The following IFT140 variants were observed in gnomAD, a reference collection of about 807,000 sequenced individuals.
IFT140 encodes the protein intraflagellar transport protein 140 homolog.
IFT140 carries 133 observed loss-of-function variants against 164.6 expected under a neutral mutation model. That is an observed-to-expected ratio of 0.81 (90% CI 0.70 to 0.93). IFT140 has a LOEUF of 0.93. IFT140 is among the 40% of genes least tolerant of loss of function. The probability of loss-of-function intolerance (pLI) is 0.00; values close to 1 mark genes in which losing one functional copy is unlikely to be tolerated. For synonymous variants in IFT140, 860 were observed against 817.3 expected (o/e 1.05, Z -0.89); for missense variants, 2,045 against 1,972.3 (o/e 1.04, Z -0.70).
intron 19 of IFT140, among the ~76,000 whole-genome samples, chr16:1,547,187 G>A (rs1596341361): frequency 6.6e-6 from 1 of 152,278 alleles, no homozygotes; most frequent in African/African-American, 2.4e-5. Flanking sequence ...TTTGGAAAAT[G>A]GTGGCATATA....
At position 1,551,968 on chromosome 16, in the gene IFT140, C is replaced by G. The variant is rs1390514354; in HGVS notation, c.2399+5967G>C. Among the ~76,000 whole-genome samples, 1 of 152,122 alleles carries G rather than the reference C, an allele frequency of 6.6e-6. No individual in the cohort carries two copies. The highest frequency in any genetic ancestry group is 1.5e-5 in the Non-Finnish European group (1 of 68,022). ...CTGGTGACGTGTGGCCCGCGCTGTC[C>G]CCCTGCAATGACGGTACCTCCAGGT... On this transcript the variant is annotated intron_variant, in intron 19 of 30. Coordinates refer to ENST00000426508, the MANE Select transcript of IFT140 (RefSeq NM_014714.4). The surrounding 1 kb of genome is among the most constrained non-coding windows in gnomAD (Gnocchi z 4.0).
intron 9 of IFT140, among the ~76,000 whole-genome samples, chr16:1,586,601 A>G (rs2141844324): frequency 6.7e-6 from 1 of 150,318 alleles, no homozygotes; most frequent in South Asian, 2.1e-4. Context: ...CTGGATGTGC[A>G]TATGCACACA....
intron 13 of IFT140, among the ~76,000 whole-genome samples, chr16:1,576,363 G>A (rs554451061): frequency 5.8e-4 from 88 of 151,532 alleles, no homozygotes; most frequent in African/African-American, 1.8e-3. Flanking sequence ...AGGCCGAGGC[G>A]GGCAGATCAT....
chr16:1,552,309 A>G (rs1331690845), intron 19 of IFT140, among the ~76,000 whole-genome samples: 2 of 151,636 alleles, frequency 1.3e-5, no homozygotes, highest in Non-Finnish European at 2.9e-5. Context: ...GACTCTCCCC[A>G]AGGCTCCCAC....
chr16:1,595,312 T>C lies in IFT140; in HGVS notation c.370-2724A>G, dbSNP rs183841808. 3.0e-4 allele frequency among the ~76,000 whole-genome samples: 44 copies of C among 145,980 alleles called. 1 individual carries two copies. Among genetic ancestry groups the C allele is most frequent in the South Asian group, 1.7e-3 (8 of 4,608 alleles). ...ATAAACAAACAAACAAACAAACAAA[T>C]AAATAAAATAAAGGAAACTTACAGA... On this transcript the variant is annotated intron_variant, in intron 4 of 30. Transcript: ENST00000426508.
intron 19 of IFT140, among the ~76,000 whole-genome samples, chr16:1,543,613 A>G (rs577588062): frequency 7.3e-4 from 111 of 152,332 alleles, no homozygotes; most frequent in Non-Finnish European, 1.1e-3. Flanking sequence ...CCCAACTTCG[A>G]AAAGGGTAAT....
intron 4 of IFT140, 98 bp downstream of exon 4, chr16:1,602,272 G>A: frequency 1.9e-6 from 2 of 1,030,292 alleles, no homozygotes; most frequent in Non-Finnish European, 2.9e-6. Flanking sequence ...AACTGAATTT[G>A]GCAACAGCAC....
At position 1,520,716 on chromosome 16, in the gene IFT140, G is replaced by C; in HGVS notation, c.3546C>G (p.Asp1182Glu). 1.2e-6 allele frequency: 2 copies of C among 1,611,948 alleles called. No homozygotes were observed. Among genetic ancestry groups the C allele is most frequent in the Middle Eastern group, 1.7e-4 (1 of 6,060 alleles). ...GCTCCCGCCGCGACTCCTCAGGCAG[G>C]TCCGAGGAGTCCTTGGCCACGGTCA... Reference protein sequence around the residue: ...EKMTVAKDSSDLPEESRRELL... With the variant: ...EKMTVAKDSSELPEESRRELL... The change falls in exon 27 of 31, where the codon GAC becomes GAG. Residue 1182 changes from aspartate (D) to glutamate (E), a missense_variant. Asp to Glu is a conservative substitution (Grantham distance 45). Coordinates refer to ENST00000426508, the MANE Select transcript of IFT140 (RefSeq NM_014714.4).
intron 13 of IFT140, among the ~76,000 whole-genome samples, chr16:1,573,700 A>C (rs1001512429): frequency 2.6e-5 from 4 of 152,126 alleles, no homozygotes; most frequent in African/African-American, 9.7e-5. Context: ...TAAGAGCCAC[A>C]GTGCCCCTCC....
intron 19 of IFT140, among the ~76,000 whole-genome samples, chr16:1,547,105 T>C (rs1279596070): frequency 1.3e-5 from 2 of 152,224 alleles, no homozygotes; most frequent in East Asian, 3.8e-4. Context: ...TCTCGCCTGC[T>C]TCTTCCTTGA....
chr16:1,607,216 T>C lies in IFT140; in HGVS notation c.51A>G (p.Ser17=). 6.2e-7 allele frequency: 1 copy of C among 1,614,058 alleles called. No individual in the cohort carries two copies. The highest frequency in any genetic ancestry group is 8.5e-7 in the Non-Finnish European group (1 of 1,180,006). The change falls in exon 3 of 31, where the codon TCA becomes TCG. Residue 17 remains serine (S), a synonymous_variant. Transcript: ENST00000426508. ...HQIEAPDAAG[S]PSFISWHPVH... Reference sequence around the variant, plus strand: ...CAGGGTGCCAGCTGATAAATGAGGGTGACCCTGCTGCATCCGGGGCTTCTA... The same window carrying C: ...CAGGGTGCCAGCTGATAAATGAGGGCGACCCTGCTGCATCCGGGGCTTCTA...
intron 18 of IFT140, among the ~76,000 whole-genome samples, chr16:1,560,658 C>T (rs535023850): frequency 6.6e-5 from 10 of 152,316 alleles, no homozygotes; most frequent in Non-Finnish European, 1.2e-4. Context: ...TTCCCCTTCT[C>T]GGAATGTCCC....
intron 10 of IFT140, among the ~76,000 whole-genome samples, chr16:1,585,569 C>T (rs1055088103): frequency 6.6e-6 from 1 of 152,018 alleles, no homozygotes; most frequent in African/African-American, 2.4e-5. Flanking sequence ...CTTTTTCATA[C>T]AGATAGAGAG....
chr16:1,521,987 C>A (rs1805810911), intron 26 of IFT140, among the ~76,000 whole-genome samples: 1 of 151,540 alleles, frequency 6.6e-6, no homozygotes, highest in Non-Finnish European at 1.5e-5. Context: ...CTTTGGGAGG[C>A]CGAGGTAGGT....
intron 4 of IFT140, among the ~76,000 whole-genome samples, chr16:1,597,030 C>T (rs188202747): frequency 1.1e-4 from 17 of 152,234 alleles, no homozygotes; most frequent in Non-Finnish European, 2.2e-4. Flanking sequence ...GGGAAAGTGG[C>T]GTGCGCTGGA....
intron 13 of IFT140, among the ~76,000 whole-genome samples, chr16:1,575,162 G>A (rs899443095): frequency 3.3e-5 from 5 of 150,826 alleles, no homozygotes; most frequent in Non-Finnish European, 7.4e-5. Context: ...CTTGGTTCAA[G>A]ACCAGCCTGG....
At chr16:1,608,560 G>GA (rs1226137537) in intron 2 of IFT140, among the ~76,000 whole-genome samples, 1 of 148,992 alleles carries the variant, frequency 6.7e-6, no homozygotes, top group Non-Finnish European at 1.5e-5. Context: ...TTGAACCTGG[G>GA]AGGCAGAGGT....
chr16:1,566,335 C>T, intron 15 of IFT140, 44 bp from the exon 16 acceptor site: 1 of 1,606,326 alleles, frequency 6.2e-7, no homozygotes, highest in Non-Finnish European at 8.5e-7. Flanking sequence ...CCTGCCCAGA[C>T]CAGCGGGTTG....
rs984162005 is a variant in IFT140 at position 1,527,401 on chromosome 16, C to G, written c.2400-605G>C. Among the ~76,000 whole-genome samples the G allele has an allele frequency of 2.4e-4, 37 of 152,182 alleles. 1 individual carries two copies. Among genetic ancestry groups the G allele is most frequent in the Non-Finnish European group, 2.2e-4 (15 of 68,026 alleles). On this transcript the variant is annotated intron_variant, in intron 19 of 30. Coordinates refer to ENST00000426508, the MANE Select transcript of IFT140 (RefSeq NM_014714.4). ...TCTGCCGAGCAGAGGGCCCTGGAGG[C>G]AGGCCTGCAGACGGGCTGACCAGTG...
Sources: allele counts gnomAD v4.1 joint callset (sites outside exome capture counted in the v4.1 genomes callset), GRCh38; gene constraint gnomAD v4.1.1; non-coding constraint Gnocchi (gnomAD v3.1); transcripts MANE v1.5; gene names NCBI Gene and HGNC (gene_info 2026-07-23, HGNC 2026-07-21).